The following MCPH1 variants were observed in gnomAD, a reference collection of about 807,000 sequenced individuals.
MCPH1 encodes microcephalin 1.
In MCPH1, 104 loss-of-function variants were observed where a neutral mutation model predicts 84.5. The observed-to-expected ratio is 1.23, with a 90% CI of 1.05 to 1.45. The LOEUF (loss-of-function observed/expected upper bound fraction) is 1.45. Among genes scored for constraint, MCPH1 ranks in the 40% most tolerant of loss-of-function variants. The pLI is 0.00. For synonymous variants in MCPH1, 514 were observed against 366.8 expected (o/e 1.40, Z -4.58); for missense variants, 1,498 against 1,005.7 (o/e 1.49, Z -6.62).
intron 13 of MCPH1, among the ~76,000 whole-genome samples, chr8:6,623,068 G>C (rs1477008607): frequency 7.5e-6 from 1 of 134,216 alleles, no homozygotes; most frequent in African/African-American, 2.8e-5. Flanking sequence ...GCCCAGGATA[G>C]TCTCAAACTC....
At position 6,500,058 on chromosome 8, in the gene MCPH1, A is replaced by G. The variant is rs564608305; in HGVS notation, c.2214+129A>G. ...TATGCCCATAATTAAAAAGACATTC[A>G]CAGAACTTAACACCTTTTATCAATT... On this transcript the variant is annotated intron_variant, in intron 12 of 13. Transcript: ENST00000344683. 9 of 755,628 alleles carry G rather than the reference A, an allele frequency of 1.2e-5. No individual in the cohort carries two copies. The East Asian group carries it at 2.3e-4, about 19-fold the overall frequency. 46.8% of individuals were successfully genotyped at this position (755,628 alleles called of 1,614,324 possible). A position where few individuals can be genotyped will look rare whatever the true frequency, so the allele number is the denominator to read the frequency against.
chr8:6,563,984 T>G (rs1437878520), intron 12 of MCPH1, among the ~76,000 whole-genome samples: 1 of 147,034 alleles, frequency 6.8e-6, no homozygotes, highest in Non-Finnish European at 1.5e-5. Context: ...AACTTTTTTT[T>G]TTTTTTTTTT....
At chr8:6,485,730 G>C (rs865867182) in intron 11 of MCPH1, among the ~76,000 whole-genome samples, 25 of 152,232 alleles carry the variant, frequency 1.6e-4, no homozygotes, top group South Asian at 1.5e-3. Context: ...TATGGCTTCA[G>C]GTGAAATATC....
At chr8:6,446,980 T>G (rs1804486175) in intron 8 of MCPH1, 19 of 985,314 alleles carry the variant, frequency 1.9e-5, no homozygotes, top group Non-Finnish European at 2.3e-5. Flanking sequence ...AGAGGTTTTT[T>G]CGCTCAGTGG....
At chr8:6,503,414 G>A (rs1812595510) in intron 12 of MCPH1, among the ~76,000 whole-genome samples, 1 of 152,164 alleles carries the variant, frequency 6.6e-6, no homozygotes, top group Admixed American at 6.5e-5. Context: ...CACTGGCAGA[G>A]GGATTGTTTT....
chr8:6,411,228 G>A (rs1161726591), intron 2 of MCPH1, among the ~76,000 whole-genome samples: 1 of 152,132 alleles, frequency 6.6e-6, no homozygotes, highest in Admixed American at 6.5e-5. Context: ...TACGGGTGCT[G>A]CCCCAAGTTC....
chr8:6,448,660 T>C (rs1315708950), intron 8 of MCPH1, among the ~76,000 whole-genome samples: 1 of 152,196 alleles, frequency 6.6e-6, no homozygotes, highest in Non-Finnish European at 1.5e-5. Context: ...CAACTGCAAA[T>C]AGATATTTTA....
At chr8:6,434,065 C>G (rs1422379633) in intron 4 of MCPH1, among the ~76,000 whole-genome samples, 2 of 152,064 alleles carry the variant, frequency 1.3e-5, no homozygotes, top group Non-Finnish European at 2.9e-5. Flanking sequence ...TGAGACCTAT[C>G]CTGCCACCCG....
rs1798078595 is a variant in MCPH1, at chr8:6,643,745, T to G, written c.*696T>G. ...ACATTTGTCAGCTATTAAGGTGACT[T>G]TTATCTAGCGGAGATTCCTCTCTTA... On this transcript the variant is annotated 3_prime_UTR_variant, in exon 14 of 14. Transcript: ENST00000344683. 1 of 150,990 alleles carries G rather than the reference T, an allele frequency of 6.6e-6. No homozygotes were observed. Among genetic ancestry groups the G allele is most frequent in the Non-Finnish European group, 1.5e-5 (1 of 67,566 alleles). 9.4% of individuals were successfully genotyped at this position (150,990 alleles called of 1,614,324 possible).
At chr8:6,534,001 C>A (rs1168867448) in intron 12 of MCPH1, among the ~76,000 whole-genome samples, 2 of 152,048 alleles carry the variant, frequency 1.3e-5, no homozygotes, top group African/African-American at 4.8e-5. Context: ...GTTTCCGATG[C>A]CCCCTCGCCA....
intron 12 of MCPH1, among the ~76,000 whole-genome samples, chr8:6,609,641 C>G (rs774503278): frequency 4.0e-4 from 61 of 152,340 alleles, no homozygotes; most frequent in Non-Finnish European, 5.6e-4. Context: ...TTTGGAAAAG[C>G]TAAGCCGGGA....
At chr8:6,476,230 A>C (rs1808434924) in intron 9 of MCPH1, among the ~76,000 whole-genome samples, 1 of 152,024 alleles carries the variant, frequency 6.6e-6, no homozygotes, top group Non-Finnish European at 1.5e-5. Flanking sequence ...GGAGTTGGAG[A>C]CCAGCCTGGC....
At chr8:6,599,607 G>C (rs969887747) in intron 12 of MCPH1, among the ~76,000 whole-genome samples, 11 of 152,336 alleles carry the variant, frequency 7.2e-5, no homozygotes, top group Non-Finnish European at 1.2e-4. Context: ...TATTGAAACA[G>C]GAAGTTCAGA....
chr8:6,409,252 TG>T, intron 1 of MCPH1, 26 bp from the exon 2 acceptor site: 1 of 1,557,654 alleles, frequency 6.4e-7, no homozygotes, highest in Non-Finnish European at 8.9e-7. Context: ...TTCAAATGTA[TG>T]TTTCATGTTC....
At position 6,627,269 on chromosome 8, in the gene MCPH1, G is replaced by C. The variant is rs1482238275; in HGVS notation, c.2452+5578G>C. 5 of 985,434 alleles carry C rather than the reference G, an allele frequency of 5.1e-6. No homozygotes were observed. The African/African-American group carries it at 5.2e-5, about 10-fold the overall frequency. 61.0% of individuals were successfully genotyped at this position (985,434 alleles called of 1,614,324 possible). A position where few individuals can be genotyped will look rare whatever the true frequency, so the allele number is the denominator to read the frequency against. On this transcript the variant is annotated intron_variant, in intron 13 of 13. Transcript: ENST00000344683. The stretch of plus-strand genomic sequence containing the variant: ...CCGCAGTCCACATCTCCATTGCCTC[G>C]ATAAGGAACCAGTCGCAGAGAGGGG...
rs550930042 is a variant in MCPH1, at chr8:6,597,373, G to C, written c.2215-24081G>C. ...GGAAGACATTAGACTTCTAGGAAGA[G>C]ATTCCTTAAAGCCAGGACTAGAAGG... On this transcript the variant is annotated intron_variant, in intron 12 of 13. Transcript: ENST00000344683. 5.3e-5 allele frequency among the ~76,000 whole-genome samples: 8 copies of C among 152,322 alleles called. No individual in the cohort carries two copies. In the East Asian group the frequency reaches 7.7e-4, roughly 15 times the overall value.
At chr8:6,539,321 G>A (rs1586483690) in intron 12 of MCPH1, among the ~76,000 whole-genome samples, 1 of 152,322 alleles carries the variant, frequency 6.6e-6, no homozygotes, top group South Asian at 2.1e-4. Flanking sequence ...AAAGCTACTT[G>A]CCATCTGTTG....
intron 12 of MCPH1, among the ~76,000 whole-genome samples, chr8:6,608,781 C>T (rs1829996278): frequency 6.6e-6 from 1 of 152,176 alleles, no homozygotes; most frequent in Non-Finnish European, 1.5e-5. Context: ...TTGAGAACCA[C>T]GGGCATGGTA....
intron 12 of MCPH1, among the ~76,000 whole-genome samples, chr8:6,617,753 T>G (rs1360593964): frequency 6.6e-6 from 1 of 152,132 alleles, no homozygotes; most frequent in African/African-American, 2.4e-5. Context: ...CACAGTTCAC[T>G]GCAGCCTCAA....
Sources: gnomAD v4.1 joint callset for allele counts (sites outside exome capture counted in the v4.1 genomes callset) on GRCh38, gnomAD v4.1.1 for gene constraint, MANE v1.5 for transcripts, NCBI Gene and HGNC (gene_info 2026-07-23, HGNC 2026-07-21) for gene names.